AUTS2: variants seen among roughly 807,000 people sequenced by gnomAD.
AUTS2 encodes the protein activator of transcription and developmental regulator AUTS2.
AUTS2 carries 17 observed loss-of-function variants against 112.4 expected under a neutral mutation model. That is an observed-to-expected ratio of 0.15 (90% CI 0.10 to 0.23). The LOEUF is 0.23. AUTS2 is among the 10% of genes least tolerant of loss of function. The pLI is 1.00. For missense variants in AUTS2, 1,510 were observed against 1,701.6 expected (o/e 0.89, Z 1.98); for synonymous variants, 751 against 702.7 (o/e 1.07, Z -1.09).
intron 5 of AUTS2, among the ~76,000 whole-genome samples, chr7:70,627,524 T>C (rs1359633141): frequency 1.3e-5 from 2 of 152,264 alleles, no homozygotes; most frequent in Non-Finnish European, 1.5e-5. Flanking sequence ...TGAGAACTAC[T>C]AACCCAGTCT....
intron 4 of AUTS2, among the ~76,000 whole-genome samples, chr7:70,347,345 C>G (rs552265119): frequency 6.6e-6 from 1 of 152,154 alleles, no homozygotes; most frequent in Non-Finnish European, 1.5e-5. Context: ...CTGTGTGTGT[C>G]TGTTTCTTCC....
chr7:69,669,630 A>G, intron 1 of AUTS2, among the ~76,000 whole-genome samples: 1 of 152,138 alleles, frequency 6.6e-6, no homozygotes, highest in East Asian at 1.9e-4. Context: ...TAGTATGTAG[A>G]TATTTCATAA....
intron 6 of AUTS2, among the ~76,000 whole-genome samples, chr7:70,735,487 G>T (rs998317498): frequency 1.3e-5 from 2 of 152,112 alleles, no homozygotes; most frequent in East Asian, 3.9e-4. Flanking sequence ...GGGGTGATGC[G>T]GATGTTCCGA....
chr7:70,700,909 CTT>C (rs1205065174), intron 6 of AUTS2, among the ~76,000 whole-genome samples: 4 of 152,218 alleles, frequency 2.6e-5, no homozygotes, highest in Admixed American at 2.6e-4. Context: ...GGTCTCCTAT[CTT>C]TGTCCAGTAT....
At chr7:70,105,071 CTG>C (rs1270006226) in intron 2 of AUTS2, among the ~76,000 whole-genome samples, 1 of 152,180 alleles carries the variant, frequency 6.6e-6, no homozygotes, top group Non-Finnish European at 1.5e-5. Flanking sequence ...CTCTGCATAA[CTG>C]TTGATGGCTA....
At chr7:70,265,124 A>G (rs1237395099) in intron 4 of AUTS2, among the ~76,000 whole-genome samples, 7 of 152,242 alleles carry the variant, frequency 4.6e-5, no homozygotes, top group Non-Finnish European at 1.5e-5. Flanking sequence ...GAAAAAAATA[A>G]GACTTCCAGT....
intron 1 of AUTS2, among the ~76,000 whole-genome samples, chr7:69,649,121 G>T (rs973913007): frequency 6.6e-6 from 1 of 152,266 alleles, no homozygotes; most frequent in African/African-American, 2.4e-5. Flanking sequence ...CTTCTTGTAC[G>T]TGTGTACATG....
chr7:70,091,443 T>C (rs1288461366), intron 2 of AUTS2, among the ~76,000 whole-genome samples: 1 of 152,196 alleles, frequency 6.6e-6, no homozygotes, highest in Non-Finnish European at 1.5e-5. Context: ...AATGGACCCA[T>C]TTACAAAATA....
At chr7:70,745,608 C>T (rs1353028447) in intron 6 of AUTS2, among the ~76,000 whole-genome samples, 2 of 152,138 alleles carry the variant, frequency 1.3e-5, no homozygotes, top group Non-Finnish European at 2.9e-5. Context: ...ATAGACGGAG[C>T]GTGCAGACCA....
intron 5 of AUTS2, among the ~76,000 whole-genome samples, chr7:70,552,894 T>C (rs1056608312): frequency 6.6e-6 from 1 of 152,220 alleles, no homozygotes; most frequent in African/African-American, 2.4e-5. Flanking sequence ...AACACTTTCC[T>C]CACAGCCCTG....
At chr7:70,232,156 CATAGTAACT>C (rs1562806407) in intron 4 of AUTS2, among the ~76,000 whole-genome samples, 1 of 152,134 alleles carries the variant, frequency 6.6e-6, no homozygotes, top group African/African-American at 2.4e-5. Context: ...TTTTACTCAA[CATAGTAACT>C]TTTGAAATTT....
chr7:70,444,041 C>T (rs1796220137), intron 5 of AUTS2, among the ~76,000 whole-genome samples: 1 of 152,142 alleles, frequency 6.6e-6, no homozygotes, highest in Non-Finnish European at 1.5e-5. Flanking sequence ...GGTGAATGAG[C>T]CATCGCCTTG....
intron 5 of AUTS2, among the ~76,000 whole-genome samples, chr7:70,500,768 C>A (rs975702241): frequency 6.6e-6 from 1 of 151,662 alleles, no homozygotes; most frequent in Non-Finnish European, 1.5e-5. Context: ...GTTGCTCAGG[C>A]TGGAGTGCAG....
chr7:70,621,260 C>A (rs1804658631), intron 5 of AUTS2, among the ~76,000 whole-genome samples: 1 of 152,206 alleles, frequency 6.6e-6, no homozygotes, highest in Non-Finnish European at 1.5e-5. Context: ...AGCTCCTTCT[C>A]CTGGCCTTTC....
intron 4 of AUTS2, among the ~76,000 whole-genome samples, chr7:70,341,016 C>T (rs1791238929): frequency 6.6e-6 from 1 of 152,172 alleles, no homozygotes; most frequent in African/African-American, 2.4e-5. Context: ...TAAAACAGCC[C>T]TCATTCTAAT....
chr7:70,714,879 T>C (rs1417674398), intron 6 of AUTS2, among the ~76,000 whole-genome samples: 1 of 152,200 alleles, frequency 6.6e-6, no homozygotes, highest in African/African-American at 2.4e-5. Flanking sequence ...TGTCCCAGTT[T>C]TAGTGATGTC....
chr7:70,461,840 C>T (rs946376798), intron 5 of AUTS2, among the ~76,000 whole-genome samples: 2 of 152,070 alleles, frequency 1.3e-5, no homozygotes, highest in African/African-American at 4.8e-5. Flanking sequence ...CGTGGGTTGT[C>T]AGGACATCAG....
chr7:70,437,974 A>G (rs907207491), intron 5 of AUTS2: 4 of 152,336 alleles, frequency 2.6e-5, no homozygotes, highest in Middle Eastern at 3.4e-3. Flanking sequence ...TTGACACCCA[A>G]ATCACCTAGG....
At chr7:69,808,553 A>G (rs1790409179) in intron 1 of AUTS2, among the ~76,000 whole-genome samples, 2 of 152,210 alleles carry the variant, frequency 1.3e-5, no homozygotes, top group African/African-American at 4.8e-5. Flanking sequence ...TAGGCACTAA[A>G]TCATATACTA....
Sources: gnomAD v4.1 joint callset for allele counts (sites outside exome capture counted in the v4.1 genomes callset) on GRCh38, gnomAD v4.1.1 for gene constraint, MANE v1.5 for transcripts, NCBI Gene and HGNC (gene_info 2026-07-23, HGNC 2026-07-21) for gene names.